The following GRM8 variants were observed in gnomAD, a reference collection of about 807,000 sequenced individuals.
GRM8 encodes metabotropic glutamate receptor 8.
In GRM8, 47 loss-of-function variants were observed where a neutral mutation model predicts 87.2. That is an observed-to-expected ratio of 0.54 (90% CI 0.43 to 0.69). The LOEUF is 0.69. Ranked by LOEUF, GRM8 falls within the 30% of genes least tolerant of loss-of-function variation. The pLI is 0.00. For missense variants in GRM8, 1,019 were observed against 1,139.2 expected (o/e 0.89, Z 1.52); for synonymous variants, 396 against 404.5 (o/e 0.98, Z 0.25).
chr7:127,001,161 G>A (rs1813696989), intron 3 of GRM8, among the ~76,000 whole-genome samples: 1 of 151,448 alleles, frequency 6.6e-6, no homozygotes, highest in African/African-American at 2.4e-5. Flanking sequence ...TAATTTAATA[G>A]GAAGAAAAAT....
intron 3 of GRM8, among the ~76,000 whole-genome samples, chr7:127,052,515 G>T (rs1478561484): frequency 6.6e-6 from 1 of 152,164 alleles, no homozygotes; most frequent in Non-Finnish European, 1.5e-5. Context: ...AATAAAACCA[G>T]AAAAGTTTGG....
intron 9 of GRM8, among the ~76,000 whole-genome samples, chr7:126,514,790 A>G (rs1258012128): frequency 6.6e-6 from 1 of 152,054 alleles, no homozygotes; most frequent in Non-Finnish European, 1.5e-5. Flanking sequence ...TTCTCATTGT[A>G]CTAATTAAAA....
chr7:126,578,142 A>G (rs1246980236), intron 8 of GRM8, among the ~76,000 whole-genome samples: 1 of 152,190 alleles, frequency 6.6e-6, no homozygotes, highest in African/African-American at 2.4e-5. Flanking sequence ...TTCCTGTTAC[A>G]TATAAAAAGC....
chr7:127,184,471 C>A (rs1794638065), intron 2 of GRM8, among the ~76,000 whole-genome samples: 1 of 151,782 alleles, frequency 6.6e-6, no homozygotes, highest in African/African-American at 2.4e-5. Flanking sequence ...TAAAAATTAT[C>A]AGCAAACTAG....
At chr7:127,072,796 T>C (rs1202403833) in intron 3 of GRM8, among the ~76,000 whole-genome samples, 1 of 152,102 alleles carries the variant, frequency 6.6e-6, no homozygotes, top group Non-Finnish European at 1.5e-5. Context: ...GTAGGTGTTT[T>C]TCCAACCCAC....
chr7:126,439,265 T>C (rs1801180665), intron 10 of GRM8, 97 bp from the exon 11 acceptor site: 1 of 762,010 alleles, frequency 1.3e-6, no homozygotes, highest in African/African-American at 1.8e-5. Flanking sequence ...GACTTTTTAA[T>C]AATATCCAGC....
At chr7:126,828,901 G>GTCT (rs1563226763) in intron 6 of GRM8, among the ~76,000 whole-genome samples, 2 of 151,972 alleles carry the variant, frequency 1.3e-5, no homozygotes, top group Non-Finnish European at 2.9e-5. Flanking sequence ...GGTATGTTGT[G>GTCT]TCTTTGTTCT....
intron 2 of GRM8, chr7:127,111,083 C>T (rs1387953396): frequency 1.3e-5 from 2 of 152,106 alleles, no homozygotes; most frequent in East Asian, 1.9e-4. Flanking sequence ...GAAGTGGGTC[C>T]CAAGGTTGAG....
At chr7:126,939,823 T>C (rs1447292916) in intron 3 of GRM8, among the ~76,000 whole-genome samples, 2 of 152,190 alleles carry the variant, frequency 1.3e-5, no homozygotes, top group Admixed American at 6.5e-5. Context: ...ATAGCTTGCA[T>C]GAGATTGCAT....
chr7:126,862,065 C>T (rs1207316492), intron 6 of GRM8, among the ~76,000 whole-genome samples: 1 of 151,678 alleles, frequency 6.6e-6, no homozygotes, highest in Non-Finnish European at 1.5e-5. Context: ...TATAGATTCC[C>T]CTATATTTTC....
At chr7:126,652,011 T>C (rs773728367) in intron 7 of GRM8, among the ~76,000 whole-genome samples, 1 of 152,218 alleles carries the variant, frequency 6.6e-6, no homozygotes, top group Non-Finnish European at 1.5e-5. Context: ...AAGGTAGTCA[T>C]CAATACCAGC....
chr7:126,948,115 T>C (rs932560433), intron 3 of GRM8, among the ~76,000 whole-genome samples: 1 of 152,136 alleles, frequency 6.6e-6, no homozygotes, highest in Non-Finnish European at 1.5e-5. Flanking sequence ...GACAAACCTG[T>C]TGCCCTCATG....
chr7:126,625,259 T>C (rs1466080081), intron 7 of GRM8, among the ~76,000 whole-genome samples: 2 of 152,162 alleles, frequency 1.3e-5, no homozygotes, highest in African/African-American at 4.8e-5. Context: ...ATATATAATA[T>C]AAGGTGGACT....
At chr7:126,925,919 TTTC>T (rs1805057647) in intron 3 of GRM8, among the ~76,000 whole-genome samples, 1 of 152,222 alleles carries the variant, frequency 6.6e-6, no homozygotes, top group Non-Finnish European at 1.5e-5. Context: ...CTGATATAGC[TTTC>T]TTCTTATATT....
intron 2 of GRM8, among the ~76,000 whole-genome samples, chr7:127,158,812 A>C (rs1484897139): frequency 6.6e-6 from 1 of 152,164 alleles, no homozygotes; most frequent in Non-Finnish European, 1.5e-5. Flanking sequence ...ACCAAAAAAA[A>C]AAAAGGCTGA....
intron 3 of GRM8, among the ~76,000 whole-genome samples, chr7:126,974,682 C>G (rs994041667): frequency 6.6e-6 from 1 of 152,070 alleles, no homozygotes; most frequent in African/African-American, 2.4e-5. Flanking sequence ...TATAATTAAT[C>G]CCAGCACTTT....
intron 2 of GRM8, among the ~76,000 whole-genome samples, chr7:127,210,360 C>T (rs774294324): frequency 1.3e-5 from 2 of 152,146 alleles, no homozygotes; most frequent in Non-Finnish European, 2.9e-5. Flanking sequence ...ACTTCCCAAG[C>T]CCCTTATGAG....
chr7:126,585,993 C>G (rs1016944524), intron 8 of GRM8, among the ~76,000 whole-genome samples: 1 of 152,102 alleles, frequency 6.6e-6, no homozygotes, highest in Non-Finnish European at 1.5e-5. Context: ...TCTCAGGATA[C>G]AAAATCAATG....
At chr7:126,494,996 C>T (rs1039495230) in intron 9 of GRM8, among the ~76,000 whole-genome samples, 3 of 151,936 alleles carry the variant, frequency 2.0e-5, no homozygotes, top group African/African-American at 7.2e-5. Context: ...ATACCAAAAA[C>T]ATTAAATTAA....
Sources: allele counts gnomAD v4.1 joint callset (sites outside exome capture counted in the v4.1 genomes callset), GRCh38; gene constraint gnomAD v4.1.1; transcripts MANE v1.5; gene names NCBI Gene and HGNC (gene_info 2026-07-23, HGNC 2026-07-21).